VAMP5: variants seen among roughly 807,000 people sequenced by gnomAD.
The protein encoded by VAMP5 is vesicle associated membrane protein 5.
VAMP5 carries 10 observed loss-of-function variants against 8.1 expected under a neutral mutation model. The observed-to-expected ratio is 1.23, with a 90% confidence interval of 0.76 to 2.09. VAMP5 has a LOEUF of 2.09. Among genes scored for constraint, VAMP5 ranks in the 30% most tolerant of loss-of-function variants. The pLI is 0.00. For synonymous variants in VAMP5, 62 were observed against 60.6 expected (o/e 1.02, Z -0.11); for missense variants, 135 against 152.5 (o/e 0.89, Z 0.60).
intron 2 of VAMP5, 74 bp downstream of exon 2, chr2:85,591,936 T>C (rs1672545812): frequency 1.9e-6 from 3 of 1,587,698 alleles, no homozygotes; most frequent in Non-Finnish European, 1.7e-6. Context: ...ATTCAGGATC[T>C]CCAGTTCCTT....
chr2:85,590,968 C>A (rs1327119235), intron 1 of VAMP5, among the ~76,000 whole-genome samples: 1 of 152,220 alleles, frequency 6.6e-6, no homozygotes, highest in African/African-American at 2.4e-5. Context: ...TTCTGTTAGG[C>A]AAAGCTGCCC....
At chr2:85,591,598 C>G in intron 1 of VAMP5, 127 bp from the exon 2 acceptor site, 1 of 1,406,928 alleles carries the variant, frequency 7.1e-7, no homozygotes, top group Non-Finnish European at 9.7e-7. Context: ...CATACCCTTA[C>G]ACGAAGGATG....
intron 1 of VAMP5, among the ~76,000 whole-genome samples, chr2:85,589,772 C>CT: frequency 6.6e-6 from 1 of 152,268 alleles, no homozygotes; most frequent in African/African-American, 2.4e-5. Context: ...ATTCTCCCAT[C>CT]TCAGCCTCCC....
Position 85,591,773 on chromosome 2 carries a change from G to A in VAMP5, c.52G>A (p.Glu18Lys). Residue 18 changes from glutamate (E) to lysine (K), a missense_variant, in exon 2 of 3, where the codon GAA (glutamate) becomes AAA (lysine). Coordinates refer to ENST00000306384, the MANE Select transcript of VAMP5 (RefSeq NM_006634.3). ...RCQQQANEVT[E>K]IMRNNFGKVL... ...CCAGCAGCAGGCGAACGAGGTGACG[G>A]AAATTATGCGTAACAACTTCGGCAA... is the stretch of plus-strand genomic sequence containing the variant. 1 of 1,614,166 alleles carries A rather than the reference G, an allele frequency of 6.2e-7. No individual in the cohort carries two copies. Among genetic ancestry groups the A allele is most frequent in the Non-Finnish European group, 8.5e-7 (1 of 1,180,020 alleles).
intron 2 of VAMP5, 104 bp downstream of exon 2, chr2:85,591,966 T>C (rs934083933): frequency 1.3e-6 from 2 of 1,530,296 alleles, no homozygotes; most frequent in Admixed American, 1.9e-5. Flanking sequence ...GAGGCCTTCT[T>C]GAGGGCCAGT....
intron 2 of VAMP5, 90 bp from the exon 3 acceptor site, chr2:85,592,857 TA>T: frequency 7.9e-7 from 1 of 1,266,308 alleles, no homozygotes; most frequent in East Asian, 2.3e-5. Flanking sequence ...AGGAGGAGAC[TA>T]AGCCTTACTG....
At position 85,592,999 on chromosome 2, in the gene VAMP5, G is replaced by A; in HGVS notation, c.193G>A (p.Glu65Lys). 1 of 1,614,150 alleles carries A rather than the reference G, an allele frequency of 6.2e-7. No individual in the cohort carries two copies. The highest frequency in any genetic ancestry group is 8.5e-7 in the Non-Finnish European group (1 of 1,180,038). ...TQNLAQKKCWENIRYRICVGL... is the reference protein window; with the variant it reads ...TQNLAQKKCWKNIRYRICVGL... ...GAACCTGGCCCAGAAGAAGTGCTGG[G>A]AGAACATCCGTTACCGGATCTGCGT... The change falls in exon 3 of 3, where the codon GAG (glutamate) becomes AAG (lysine). Residue 65 changes from glutamate to lysine, a missense_variant. Physicochemically the swap from Glu to Lys is moderately conservative, Grantham distance 56. Transcript: ENST00000306384.
chr2:85,591,758 G>A lies in VAMP5; in HGVS notation c.37G>A (p.Ala13Thr). 6 of 1,614,174 alleles carry A rather than the reference G, an allele frequency of 3.7e-6. No individual in the cohort carries two copies. The highest frequency in any genetic ancestry group is 5.1e-6 in the Non-Finnish European group (6 of 1,180,014). Residue 13 changes from alanine to threonine, a missense_variant, in exon 2 of 3, where the codon GCG (alanine) becomes ACG (threonine). Transcript: ENST00000306384. Reference protein sequence around the residue: ...GIELERCQQQANEVTEIMRNN... With the variant: ...GIELERCQQQTNEVTEIMRNN... ...AGAGTTGGAGCGGTGCCAGCAGCAG[G>A]CGAACGAGGTGACGGAAATTATGCG...
At chr2:85,589,214 G>GC (rs1458048233) in intron 1 of VAMP5, among the ~76,000 whole-genome samples, 1 of 152,192 alleles carries the variant, frequency 6.6e-6, no homozygotes, top group Admixed American at 6.5e-5. Flanking sequence ...AGGCAGTATG[G>GC]CCCTTGTCCT....
intron 1 of VAMP5, among the ~76,000 whole-genome samples, chr2:85,589,278 G>C (rs1241219738): frequency 1.3e-5 from 2 of 152,222 alleles, no homozygotes; most frequent in Non-Finnish European, 2.9e-5. Flanking sequence ...AGTGCCAGCA[G>C]AGACCTGTGT....
At chr2:85,590,989 G>A (rs947743065) in intron 1 of VAMP5, among the ~76,000 whole-genome samples, 21 of 152,334 alleles carry the variant, frequency 1.4e-4, no homozygotes, top group African/African-American at 4.3e-4. Flanking sequence ...CCCAGGCTGG[G>A]AAATCCAAGA....
At chr2:85,592,241 G>A (rs1333900226) in intron 2 of VAMP5, among the ~76,000 whole-genome samples, 1 of 152,172 alleles carries the variant, frequency 6.6e-6, no homozygotes, top group African/African-American at 2.4e-5. Context: ...AGGACTACAA[G>A]CCTGCACCAC....
intron 1 of VAMP5, among the ~76,000 whole-genome samples, chr2:85,587,555 T>G (rs1055428234): frequency 4.0e-5 from 6 of 151,672 alleles, no homozygotes; most frequent in Non-Finnish European, 7.4e-5. Flanking sequence ...CCTGGCCATA[T>G]TGTACAATTC....
In VAMP5 at chr2:85,593,150, G is replaced by A. The variant is rs1672574583; in HGVS notation, c.344G>A (p.Gly115Glu). The change falls in exon 3 of 3, where the codon GGG becomes GAG. Residue 115 changes from glycine to glutamate, a missense_variant. Transcript: ENST00000306384. ...GATGCAGGCATTGCCTCAGGGCCTGGGAACTGACCCAGCTGGTCCTGAAGG... is the reference window on the plus strand; with the variant it reads ...GATGCAGGCATTGCCTCAGGGCCTGAGAACTGACCCAGCTGGTCCTGAAGG... ...TQDAGIASGP[G>E]N 1 of 1,614,044 alleles carries A rather than the reference G, an allele frequency of 6.2e-7. No individual in the cohort carries two copies. Among genetic ancestry groups the A allele is most frequent in the South Asian group, 1.1e-5 (1 of 91,086 alleles).
intron 1 of VAMP5, among the ~76,000 whole-genome samples, chr2:85,587,074 C>CAA (rs1214917531): frequency 7.5e-6 from 1 of 133,818 alleles, no homozygotes; most frequent in Non-Finnish European, 1.6e-5. Context: ...GACACCATCT[C>CAA]AAAAAAAAAA....
chr2:85,586,448 C>T (rs537080567), intron 1 of VAMP5, among the ~76,000 whole-genome samples: 5 of 152,228 alleles, frequency 3.3e-5, no homozygotes, highest in Non-Finnish European at 5.9e-5. Context: ...TGGTGGCACA[C>T]GCCTGTAGTC....
chr2:85,592,633 T>G (rs1374509682), intron 2 of VAMP5, among the ~76,000 whole-genome samples: 3 of 151,518 alleles, frequency 2.0e-5, no homozygotes, highest in Non-Finnish European at 4.4e-5. Context: ...AAACCCCATC[T>G]CAACTAAAAA....
rs984654246 is a variant in VAMP5, at chr2:85,591,563, G to A, written c.4-162G>A. The A allele has an allele frequency of 2.3e-5, 25 of 1,098,754 alleles. No homozygotes were observed. The Middle Eastern group carries it at 9.3e-4, about 41-fold the overall frequency. The allele number at this position is 1,098,754 out of a possible 1,614,324, so 68.1% of individuals were successfully genotyped here. A position where few individuals can be genotyped will look rare whatever the true frequency, so the allele number is the denominator to read the frequency against. Reference sequence around the variant, plus strand: ...TAAGGTGTGCCGCACTCACCCCGAAGGCCAGACCTTCACTCCGCACACATC... The same window carrying A: ...TAAGGTGTGCCGCACTCACCCCGAAAGCCAGACCTTCACTCCGCACACATC... On this transcript the variant is annotated intron_variant, in intron 1 of 2. Transcript: ENST00000306384.
chr2:85,587,179 T>A (rs1405538588), intron 1 of VAMP5, among the ~76,000 whole-genome samples: 2 of 152,162 alleles, frequency 1.3e-5, no homozygotes, highest in East Asian at 3.9e-4. Flanking sequence ...GTACTATGTG[T>A]ACAAGTTTGC....
Sources: allele counts gnomAD v4.1 joint callset (sites outside exome capture counted in the v4.1 genomes callset), GRCh38; gene constraint gnomAD v4.1.1; transcripts MANE v1.5; gene names NCBI Gene and HGNC (gene_info 2026-07-23, HGNC 2026-07-21).